The following FREM3 variants were observed in gnomAD, a reference collection of about 807,000 sequenced individuals.
The protein encoded by FREM3 is FRAS1-related extracellular matrix protein 3.
In FREM3, 105 loss-of-function variants were observed where a neutral mutation model predicts 129.1. The observed-to-expected ratio is 0.81, with a 90% CI of 0.69 to 0.96. FREM3 has a LOEUF of 0.96. FREM3 is among the 40% of genes least tolerant of loss of function. FREM3 has a pLI of 0.00. For synonymous variants in FREM3, 1,014 were observed against 1,044.9 expected (o/e 0.97, Z 0.57); for missense variants, 2,593 against 2,666.3 (o/e 0.97, Z 0.61).
chr4:143,691,228 C>G (rs1472596930), intron 2 of FREM3, among the ~76,000 whole-genome samples: 2 of 152,084 alleles, frequency 1.3e-5, no homozygotes, highest in Non-Finnish European at 2.9e-5. Flanking sequence ...TCTCAAGGTG[C>G]TTCTTTATCA....
intron 6 of FREM3, among the ~76,000 whole-genome samples, chr4:143,590,196 G>T (rs1467421801): frequency 6.6e-6 from 1 of 152,124 alleles, no homozygotes; most frequent in African/African-American, 2.4e-5. Flanking sequence ...GGGACAATTT[G>T]ACTTCCTCTT....
In FREM3 at chr4:143,699,814, C is replaced by T; in HGVS notation, c.862G>A (p.Glu288Lys). 4 of 1,536,526 alleles carry T rather than the reference C, an allele frequency of 2.6e-6. No individual in the cohort carries two copies. Among genetic ancestry groups the T allele is most frequent in the South Asian group, 1.2e-5 (1 of 84,056 alleles). ...ATCCTCACGAGCAGCTGGAAGTGCTCGCGGACCAGCACACCCGCGGACCCA... is the reference window on the plus strand; with the variant it reads ...ATCCTCACGAGCAGCTGGAAGTGCTTGCGGACCAGCACACCCGCGGACCCA... ...DAGSAGVLVR[E>K]HFQLLVRIRG... The change falls in exon 1 of 8, where the codon GAG becomes AAG. Residue 288 changes from glutamate to lysine, a missense_variant. Transcript: ENST00000329798. This position sits in a 1 kb window ranked among gnomAD's most constrained non-coding sequence, Gnocchi z 4.2.
chr4:143,577,706 T>C lies in FREM3; in HGVS notation c.6325A>G (p.Met2109Val). The C allele has an allele frequency of 6.5e-7, 1 of 1,537,310 alleles. No homozygotes were observed. The highest frequency in any genetic ancestry group is 8.7e-7 in the Non-Finnish European group (1 of 1,146,918). ...TTTGGTTCTCCAAGCACTGCACCCA[T>C]AGGCATCTGAAGAAGTAATTCAAAC... ...EKFELLLQMP[M>V]GAVLGEPNKT... The change falls in exon 8 of 8, where the codon ATG becomes GTG. Residue 2109 changes from methionine (M) to valine (V), a missense_variant. Coordinates refer to ENST00000329798, the MANE Select transcript of FREM3 (RefSeq NM_001168235.2).
intron 4 of FREM3, 76 bp from the exon 5 acceptor site, chr4:143,621,238 T>A (rs1738945589): frequency 3.0e-6 from 4 of 1,341,778 alleles, no homozygotes; most frequent in Non-Finnish European, 4.1e-6. Context: ...TGAGCAGAAA[T>A]GTACAAAGCC....
intron 2 of FREM3, among the ~76,000 whole-genome samples, chr4:143,673,254 G>A (rs1483354670): frequency 1.3e-5 from 2 of 152,312 alleles, no homozygotes; most frequent in Non-Finnish European, 2.9e-5. Context: ...TGATGGTAAC[G>A]TACAGACGGG....
At chr4:143,612,920 G>T (rs1738786572) in intron 5 of FREM3, among the ~76,000 whole-genome samples, 1 of 152,214 alleles carries the variant, frequency 6.6e-6, no homozygotes, top group Non-Finnish European at 1.5e-5. Context: ...GGATGCTCCA[G>T]TCTTGTAAGA....
At chr4:143,590,023 C>T (rs141113084) in intron 6 of FREM3, among the ~76,000 whole-genome samples, 106,321 of 151,544 alleles carry the variant, frequency 0.7, 39,512 homozygotes, top group Non-Finnish European at 0.83. Context: ...GGAGTTCACT[C>T]ATGATTTGGC....
In FREM3 at chr4:143,699,066, A is replaced by T; in HGVS notation, c.1610T>A (p.Leu537Gln). ...QVDFLFPLTI[L>Q]PVDDEPPMVN... is the part of the protein sequence containing the mutation. ...CATTGGTGGTTCATCATCCACAGGT[A>T]GGATGGTGAGGGGAAAGAGGAAGTC... is the stretch of plus-strand genomic sequence containing the variant. The change falls in exon 1 of 8, where the codon CTA becomes CAA. Residue 537 changes from leucine to glutamine, a missense_variant. This residue lies in a region of FREM3 where 2,276 missense variants were observed against 2,267.2 expected (regional missense o/e 1.00). Transcript: ENST00000329798. This position sits in a 1 kb window ranked among gnomAD's most constrained non-coding sequence, Gnocchi z 4.2. 2 of 1,537,346 alleles carry T rather than the reference A, an allele frequency of 1.3e-6. No individual in the cohort carries two copies. The highest frequency in any genetic ancestry group is 1.7e-6 in the Non-Finnish European group (2 of 1,146,848).
At chr4:143,580,283 G>C (rs1461361705) in intron 7 of FREM3, among the ~76,000 whole-genome samples, 2 of 152,124 alleles carry the variant, frequency 1.3e-5, no homozygotes, top group African/African-American at 4.8e-5. Flanking sequence ...AGAAGAGTGA[G>C]ACAGGACGGC....
chr4:143,643,613 G>T (rs373401115), intron 2 of FREM3, among the ~76,000 whole-genome samples: 1 of 151,938 alleles, frequency 6.6e-6, no homozygotes, highest in Non-Finnish European at 1.5e-5. Context: ...TTAAAAGTTG[G>T]TGTCATAGAA....
At chr4:143,593,796 T>C (rs1364836051) in intron 6 of FREM3, among the ~76,000 whole-genome samples, 1 of 152,194 alleles carries the variant, frequency 6.6e-6, no homozygotes, top group Non-Finnish European at 1.5e-5. Context: ...GCAGAGGTTA[T>C]TGCTGTCTTT....
chr4:143,641,957 G>A (rs1308037103), intron 2 of FREM3, among the ~76,000 whole-genome samples: 2 of 152,064 alleles, frequency 1.3e-5, no homozygotes, highest in African/African-American at 2.4e-5. Flanking sequence ...GTATAGAGAG[G>A]AAAAATTTTA....
At chr4:143,607,254 T>C (rs1433378820) in intron 6 of FREM3, among the ~76,000 whole-genome samples, 1 of 152,200 alleles carries the variant, frequency 6.6e-6, no homozygotes. Context: ...GGATATCTCC[T>C]CATTTATGAC....
In FREM3 at chr4:143,611,374, T is replaced by G. The variant is rs1431730304; in HGVS notation, c.5933A>C (p.Glu1978Ala). The G allele has an allele frequency of 6.5e-7, 1 of 1,537,124 alleles. No homozygotes were observed. Among genetic ancestry groups the G allele is most frequent in the Non-Finnish European group, 8.7e-7 (1 of 1,146,830 alleles). ...CAGCCTAAGTGAAACGCTGAAGGAT[T>G]CCTCCTCTTCATAAAGGGAGTCATC... ...IIDDSLYEEE[E>A]SFSVSLRLPV... The change falls in exon 6 of 8, where the codon GAA (glutamate) becomes GCA (alanine). Residue 1978 changes from glutamate to alanine, a missense_variant. By Grantham distance (107) the Glu-to-Ala change is moderately radical (BLOSUM62 -1). This residue lies in a region of FREM3 where 317 missense variants were observed against 399.0 expected (regional missense o/e 0.79). Transcript: ENST00000329798.
intron 6 of FREM3, among the ~76,000 whole-genome samples, chr4:143,608,663 A>C (rs1271990620): frequency 6.6e-6 from 1 of 152,176 alleles, no homozygotes; most frequent in Non-Finnish European, 1.5e-5. Context: ...AAAATTATAT[A>C]ATGCACTTGC....
At chr4:143,632,660 C>G (rs1413459584) in intron 2 of FREM3, among the ~76,000 whole-genome samples, 1 of 152,074 alleles carries the variant, frequency 6.6e-6, no homozygotes, top group Non-Finnish European at 1.5e-5. Context: ...CTTTTGAACT[C>G]CCTGTCCATA....
In FREM3 at chr4:143,685,111, T is replaced by G. The variant is rs1190345626; in HGVS notation, c.5275+8002A>C. Among the ~76,000 whole-genome samples the G allele has an allele frequency of 3.9e-5, 6 of 152,270 alleles. No homozygotes were observed. In the East Asian group the frequency reaches 1.2e-3, roughly 29 times the overall value. Reference sequence around the variant, plus strand: ...ATAATCAAGGAAAACTTCCCCAGCCTCGCTAGAGACATAGACATCCAAATA... The same window carrying G: ...ATAATCAAGGAAAACTTCCCCAGCCGCGCTAGAGACATAGACATCCAAATA... On this transcript the variant is annotated intron_variant, in intron 2 of 7. Transcript: ENST00000329798.
chr4:143,654,116 T>A (rs1265933510), intron 2 of FREM3, among the ~76,000 whole-genome samples: 1 of 152,184 alleles, frequency 6.6e-6, no homozygotes, highest in African/African-American at 2.4e-5. Flanking sequence ...AATTTTTTTA[T>A]TTTTGAGACG....
intron 2 of FREM3, among the ~76,000 whole-genome samples, chr4:143,661,613 T>G (rs1739725382): frequency 6.6e-6 from 1 of 152,098 alleles, no homozygotes; most frequent in Non-Finnish European, 1.5e-5. Flanking sequence ...TAAAATGAGT[T>G]AGGGAGGATT....
Sources: allele counts gnomAD v4.1 joint callset (sites outside exome capture counted in the v4.1 genomes callset), GRCh38; gene constraint gnomAD v4.1.1; regional missense constraint gnomAD v4.1.1; non-coding constraint Gnocchi (gnomAD v3.1); transcripts MANE v1.5; gene names NCBI Gene and HGNC (gene_info 2026-07-23, HGNC 2026-07-21).